The following RUNX1 variants were observed in gnomAD, a reference collection of about 807,000 sequenced individuals.
RUNX1 encodes runt-related transcription factor 1.
In RUNX1, 19 loss-of-function variants were observed where a neutral mutation model predicts 42.8. The ratio of observed to expected loss-of-function variants is 0.44; its 90% CI spans 0.31 to 0.65. RUNX1 has a LOEUF of 0.65. RUNX1 is among the 30% of genes least tolerant of loss of function. RUNX1 has a pLI of 0.07. For synonymous variants in RUNX1, 271 were observed against 289.4 expected (o/e 0.94, Z 0.64); for missense variants, 528 against 672.0 (o/e 0.79, Z 2.37).
At chr21:34,944,302 C>T (rs1268549657) in intron 2 of RUNX1, among the ~76,000 whole-genome samples, 1 of 152,218 alleles carries the variant, frequency 6.6e-6, no homozygotes, top group Non-Finnish European at 1.5e-5. Flanking sequence ...GCCACTGTGC[C>T]TGTCCCCAAC....
At chr21:35,028,948 C>T (rs2059255167) in intron 2 of RUNX1, among the ~76,000 whole-genome samples, 1 of 152,114 alleles carries the variant, frequency 6.6e-6, no homozygotes, top group Non-Finnish European at 1.5e-5. Context: ...GAGTGTAGAC[C>T]CCTAGCTCAT....
intron 7 of RUNX1, among the ~76,000 whole-genome samples, chr21:34,825,172 G>A (rs1308244269): frequency 6.6e-6 from 1 of 152,194 alleles, no homozygotes; most frequent in Non-Finnish European, 1.5e-5. Flanking sequence ...TGACATGCCT[G>A]GCTTTGGGAG....
chr21:34,930,272 A>G (rs201988303), intron 2 of RUNX1, among the ~76,000 whole-genome samples: 6,695 of 78,842 alleles, frequency 0.085, 275 homozygotes, highest in Middle Eastern at 0.14. Context: ...GTGTGTATGT[A>G]TATATATATA....
intron 3 of RUNX1, 40 bp from the exon 4 acceptor site, chr21:34,887,136 AC>A: frequency 6.3e-7 from 1 of 1,596,954 alleles, no homozygotes; most frequent in South Asian, 1.1e-5. Context: ...TTGAGTTAGG[AC>A]CCTGCAAACA....
chr21:34,954,364 T>C (rs2058629890), intron 2 of RUNX1, among the ~76,000 whole-genome samples: 1 of 152,138 alleles, frequency 6.6e-6, no homozygotes, highest in South Asian at 2.1e-4. Flanking sequence ...TTCTGACTCC[T>C]TGTGGCAGGA....
chr21:34,928,132 C>G (rs751110788), intron 2 of RUNX1, among the ~76,000 whole-genome samples: 11 of 152,154 alleles, frequency 7.2e-5, no homozygotes, highest in Non-Finnish European at 1.2e-4. Context: ...GCTAATATCA[C>G]TTACAATTAG....
intron 2 of RUNX1, among the ~76,000 whole-genome samples, chr21:34,938,971 T>G (rs2058506756): frequency 6.6e-6 from 1 of 152,204 alleles, no homozygotes; most frequent in Admixed American, 6.5e-5. Flanking sequence ...TACAACATTT[T>G]TCTAGATTCG....
chr21:34,910,689 T>C (rs532571610), intron 2 of RUNX1, among the ~76,000 whole-genome samples: 39 of 152,180 alleles, frequency 2.6e-4, no homozygotes, highest in South Asian at 1.0e-3. Context: ...GCCAGGACCA[T>C]GTCCAGGGCG....
chr21:34,925,843 T>C (rs1056602588), intron 2 of RUNX1, among the ~76,000 whole-genome samples: 48 of 152,198 alleles, frequency 3.2e-4, no homozygotes, highest in African/African-American at 1.1e-3. Flanking sequence ...AAATGTTGAA[T>C]GGGTGCATGA....
At chr21:34,985,509 G>A (rs776749076) in intron 2 of RUNX1, among the ~76,000 whole-genome samples, 11 of 152,290 alleles carry the variant, frequency 7.2e-5, no homozygotes, top group South Asian at 6.2e-4. Context: ...GAGATGACAC[G>A]ATTTTTTCTC....
chr21:34,821,455 C>A, intron 7 of RUNX1: 1 of 1,385,398 alleles, frequency 7.2e-7, no homozygotes, highest in South Asian at 1.7e-5. Flanking sequence ...TTAATCCTCA[C>A]AATTGTCCCA....
chr21:34,956,800 T>C (rs1386301215), intron 2 of RUNX1, among the ~76,000 whole-genome samples: 3 of 152,156 alleles, frequency 2.0e-5, no homozygotes, highest in African/African-American at 7.2e-5. Context: ...CTCTCCCATA[T>C]ATACAGTGAT....
intron 2 of RUNX1, among the ~76,000 whole-genome samples, chr21:34,991,570 A>G (rs1289424888): frequency 7.0e-6 from 1 of 142,664 alleles, no homozygotes; most frequent in African/African-American, 2.7e-5. Flanking sequence ...GATGATGATG[A>G]TGATGGTGAT....
chr21:34,804,523 G>A (rs2056652355), intron 7 of RUNX1, among the ~76,000 whole-genome samples: 2 of 152,036 alleles, frequency 1.3e-5, no homozygotes, highest in Non-Finnish European at 2.9e-5. Flanking sequence ...CCTATTGCCT[G>A]ATAAATCATG....
intron 2 of RUNX1, among the ~76,000 whole-genome samples, chr21:34,978,069 C>A (rs2058816510): frequency 6.6e-6 from 1 of 152,148 alleles, no homozygotes; most frequent in African/African-American, 2.4e-5. Context: ...TCCAGGGCAG[C>A]TGGGACTACA....
intron 2 of RUNX1, among the ~76,000 whole-genome samples, chr21:34,962,796 T>C (rs1189125440): frequency 6.6e-6 from 1 of 152,118 alleles, no homozygotes; most frequent in Admixed American, 6.5e-5. Flanking sequence ...AGCAAATGAG[T>C]AGGTTGACCC....
In RUNX1 at chr21:34,791,946, G is replaced by T; in HGVS notation, c.*189C>A. 1 of 369,472 alleles carries T rather than the reference G, an allele frequency of 2.7e-6. No individual in the cohort carries two copies. Among genetic ancestry groups the T allele is most frequent in the Non-Finnish European group, 5.0e-6 (1 of 198,890 alleles). The allele number at this position is 369,472 out of a possible 1,614,324, so 22.9% of individuals were successfully genotyped here. A position where few individuals can be genotyped will look rare whatever the true frequency, so the allele number is the denominator to read the frequency against. On this transcript the variant is annotated 3_prime_UTR_variant, in exon 9 of 9. Transcript: ENST00000675419. ...GCGCCAGCAGACGGCGGCGGCGTGG[G>T]CTTCTGGGCGCAGGAGGCTGCGCGG...
At chr21:34,991,037 C>T (rs1323007619) in intron 2 of RUNX1, among the ~76,000 whole-genome samples, 3 of 152,206 alleles carry the variant, frequency 2.0e-5, no homozygotes, top group Non-Finnish European at 4.4e-5. Flanking sequence ...TTCAAGGGAA[C>T]GCTGTGTCAT....
At chr21:34,949,986 C>T (rs577019557) in intron 2 of RUNX1, among the ~76,000 whole-genome samples, 14 of 152,316 alleles carry the variant, frequency 9.2e-5, no homozygotes, top group South Asian at 8.3e-4. Flanking sequence ...GAACTGACAT[C>T]ATAGGATCAT....
Sources: gnomAD v4.1 joint callset for allele counts (sites outside exome capture counted in the v4.1 genomes callset) on GRCh38, gnomAD v4.1.1 for gene constraint, MANE v1.5 for transcripts, NCBI Gene and HGNC (gene_info 2026-07-23, HGNC 2026-07-21) for gene names.